Variants in CFAP299 observed in about 807,000 individuals in gnomAD.
CFAP299 encodes the protein cilia and flagella associated protein 299.
In CFAP299, 21 loss-of-function variants were observed where a neutral mutation model predicts 27.0. That is an observed-to-expected ratio of 0.78 (90% CI 0.55 to 1.12). The LOEUF is 1.12. Ranked by LOEUF, CFAP299 falls within the 50% of genes most tolerant of loss-of-function variation. The pLI is 0.00. For synonymous variants in CFAP299, 104 were observed against 98.1 expected, an observed-to-expected ratio of 1.06 and a Z score of -0.36; for missense variants, 310 against 276.6, an observed-to-expected ratio of 1.12 and a Z score of -0.86.
intron 2 of CFAP299, among the ~76,000 whole-genome samples, chr4:80,377,312 A>G (rs1344900083): frequency 6.6e-6 from 1 of 152,092 alleles, no homozygotes; most frequent in East Asian, 1.9e-4. Flanking sequence ...TTGTTAGGTA[A>G]GAGGCTTTTT....
chr4:80,420,849 GTTGCTT>G (rs1329433079), intron 2 of CFAP299, among the ~76,000 whole-genome samples: 2 of 152,086 alleles, frequency 1.3e-5, no homozygotes, highest in African/African-American at 4.8e-5. Context: ...TCCCTCACCT[GTTGCTT>G]CAGCCCACTT....
At chr4:80,884,872 G>C (rs2110179991) in intron 4 of CFAP299, among the ~76,000 whole-genome samples, 1 of 152,198 alleles carries the variant, frequency 6.6e-6, no homozygotes, top group East Asian at 1.9e-4. Flanking sequence ...AATCACAACT[G>C]TTAACAATTG....
intron 2 of CFAP299, among the ~76,000 whole-genome samples, chr4:80,492,454 C>T (rs943390031): frequency 9.2e-5 from 14 of 152,232 alleles, no homozygotes; most frequent in African/African-American, 3.1e-4. Context: ...TCATGATAAG[C>T]TAGCAGTTTT....
At chr4:80,924,538 G>GTATATATA (rs1553906748) in intron 4 of CFAP299, among the ~76,000 whole-genome samples, 118 of 131,680 alleles carry the variant, frequency 9.0e-4, no homozygotes, top group Middle Eastern at 3.9e-3. Context: ...GTGTGTGTGT[G>GTATATATA]TATATATATA....
chr4:80,393,401 G>A (rs964764988), intron 2 of CFAP299, among the ~76,000 whole-genome samples: 14 of 152,140 alleles, frequency 9.2e-5, no homozygotes, highest in Non-Finnish European at 2.9e-5. Flanking sequence ...AAAGCCTACA[G>A]TACAGTAACG....
intron 3 of CFAP299, among the ~76,000 whole-genome samples, chr4:80,770,486 A>G (rs1237535228): frequency 3.9e-5 from 6 of 152,198 alleles, no homozygotes; most frequent in Non-Finnish European, 8.8e-5. Context: ...CTGCCATTAC[A>G]TAACAGAGGT....
intron 4 of CFAP299, among the ~76,000 whole-genome samples, chr4:80,889,517 G>A (rs1230585279): frequency 1.3e-5 from 2 of 151,914 alleles, no homozygotes; most frequent in East Asian, 3.9e-4. Flanking sequence ...GGGACCCAAT[G>A]GCTTTACTGA....
In CFAP299 at chr4:80,869,999, A is replaced by G; in HGVS notation, c.340A>G (p.Ile114Val). 6.2e-7 allele frequency: 1 copy of G among 1,610,396 alleles called. No individual in the cohort carries two copies. The highest frequency in any genetic ancestry group is 8.5e-7 in the Non-Finnish European group (1 of 1,178,532). The stretch of plus-strand genomic sequence containing the variant: ...CTCTATTCTGTGCTACCAGTCCGTG[A>G]TCTTTATTCGTGACAGAAATTCTCA... ...DNRSGKLSSV[I>V]FIRDRNSHGQ... Residue 114 changes from isoleucine to valine, a missense_variant, in exon 4 of 6, where the codon ATC (isoleucine) becomes GTC (valine). Transcript: ENST00000358105.
At chr4:80,335,280 T>C (rs181635411), upstream of CFAP299, among the ~76,000 whole-genome samples, 5 of 152,358 alleles carry the variant, frequency 3.3e-5, no homozygotes, top group East Asian at 9.6e-4. Flanking sequence ...ACATTAGCAA[T>C]AATTTACCTT....
intron 3 of CFAP299, among the ~76,000 whole-genome samples, chr4:80,800,093 T>C (rs1395519319): frequency 3.0e-5 from 2 of 67,620 alleles, no homozygotes; most frequent in African/African-American, 1.2e-4. Flanking sequence ...TAAATATATA[T>C]AATATATAAT....
chr4:80,880,154 G>A (rs1252946222), intron 4 of CFAP299, among the ~76,000 whole-genome samples: 3 of 152,018 alleles, frequency 2.0e-5, no homozygotes, highest in Non-Finnish European at 4.4e-5. Flanking sequence ...AAGGGGGGGA[G>A]AGAATCTATT....
intron 5 of CFAP299, among the ~76,000 whole-genome samples, chr4:80,950,563 A>G (rs963405291): frequency 6.6e-6 from 1 of 152,116 alleles, no homozygotes; most frequent in African/African-American, 2.4e-5. Flanking sequence ...CTGGAGAGGA[A>G]GGGTGTTCTG....
At chr4:80,884,017 C>T (rs923073780) in intron 4 of CFAP299, among the ~76,000 whole-genome samples, 1 of 152,156 alleles carries the variant, frequency 6.6e-6, no homozygotes, top group Admixed American at 6.6e-5. Context: ...TCCCTTTTCC[C>T]ACCCTTCACC....
At chr4:80,696,342 C>G (rs1209463420) in intron 3 of CFAP299, among the ~76,000 whole-genome samples, 7 of 150,438 alleles carry the variant, frequency 4.7e-5, no homozygotes, top group Admixed American at 2.6e-4. Context: ...CATGCCTTAA[C>G]TGTACTAATT....
chr4:80,856,744 T>C (rs1188644528), intron 3 of CFAP299, among the ~76,000 whole-genome samples: 1 of 151,996 alleles, frequency 6.6e-6, no homozygotes, highest in Non-Finnish European at 1.5e-5. Flanking sequence ...GAGGGCTCTG[T>C]TCTGTTCCAT....
At chr4:80,654,800 T>A (rs1374858101) in intron 3 of CFAP299, among the ~76,000 whole-genome samples, 3 of 150,968 alleles carry the variant, frequency 2.0e-5, no homozygotes, top group Admixed American at 6.6e-5. Flanking sequence ...TTTTTTTTTT[T>A]TTTTGGTAGA....
intron 1 of CFAP299, among the ~76,000 whole-genome samples, chr4:80,349,548 A>G (rs757766359): frequency 3.3e-5 from 5 of 152,236 alleles, no homozygotes; most frequent in Non-Finnish European, 5.9e-5. Flanking sequence ...TTACTTATGA[A>G]CTGGATGAAA....
chr4:80,578,904 T>A (rs1736020041), intron 2 of CFAP299, among the ~76,000 whole-genome samples: 1 of 152,174 alleles, frequency 6.6e-6, no homozygotes, highest in Admixed American at 6.6e-5. Context: ...TGGGAAATTC[T>A]TAGAATATTT....
chr4:80,664,612 G>A (rs1413871554), intron 3 of CFAP299, among the ~76,000 whole-genome samples: 1 of 152,124 alleles, frequency 6.6e-6, no homozygotes. Flanking sequence ...GTTGACTTTA[G>A]ACTGCTGTGC....
Sources: gnomAD v4.1 joint callset for allele counts (sites outside exome capture counted in the v4.1 genomes callset) on GRCh38, gnomAD v4.1.1 for gene constraint, MANE v1.5 for transcripts, NCBI Gene and HGNC (gene_info 2026-07-23, HGNC 2026-07-21) for gene names.